The following PRPF8 variants were observed in gnomAD, a reference collection of about 807,000 sequenced individuals.
The protein encoded by PRPF8 is pre-mRNA processing factor 8.
Under a neutral mutation model 285.9 loss-of-function variants are expected in PRPF8, and 64 were observed. That is an observed-to-expected ratio of 0.22 (90% CI 0.18 to 0.28). The LOEUF (loss-of-function observed/expected upper bound fraction) is 0.28, where lower values mean the gene tolerates loss of function less well. Among genes scored for constraint, PRPF8 ranks in the 10% least tolerant of loss-of-function variants. The pLI is 1.00. For synonymous variants in PRPF8, 1,325 were observed against 1,118.2 expected (o/e 1.18, Z -3.69); for missense variants, 1,426 against 3,026.7 (o/e 0.47, Z 12.41).
rs993714601 is a variant in PRPF8, at chr17:1,684,679, G to A, written c.-11-97C>T. ...TCCGGGGACCCCGGCCTGCAGTCCC[G>A]CCACACAGTGCATCCAGCCCCGCCC... is the stretch of plus-strand genomic sequence containing the variant. On this transcript the variant is annotated intron_variant, in intron 1 of 42. Coordinates refer to ENST00000304992, the MANE Select transcript of PRPF8 (RefSeq NM_006445.4). 8.5e-5 allele frequency: 94 copies of A among 1,104,460 alleles called. 2 individuals carry two copies. The highest frequency in any genetic ancestry group is 5.4e-4 in the Middle Eastern group (2 of 3,714). The allele number at this position is 1,104,460 out of a possible 1,614,324, so 68.4% of individuals were successfully genotyped here.
Position 1,651,985 on chromosome 17 carries a change from T to G in PRPF8, c.6370-197A>C. The G allele has an allele frequency of 2.9e-6, 2 of 694,008 alleles. No individual in the cohort carries two copies. The highest frequency in any genetic ancestry group is 5.0e-6 in the Non-Finnish European group (2 of 396,716). 43.0% of individuals were successfully genotyped at this position (694,008 alleles called of 1,614,324 possible). A position where few individuals can be genotyped will look rare whatever the true frequency, so the allele number is the denominator to read the frequency against. On this transcript the variant is annotated intron_variant, in intron 39 of 42. Coordinates refer to ENST00000304992, the MANE Select transcript of PRPF8 (RefSeq NM_006445.4). This position sits in a 1 kb window ranked among gnomAD's most constrained non-coding sequence, Gnocchi z 5.1. ...TGGACCTCATCGCGGACTTACCACA[T>G]CAGAATCTCCTGAGTGGGGTCCAGG...
In PRPF8 at chr17:1,653,463, CCAGACAATCT is replaced by C. The variant is rs1911191853; in HGVS notation, c.6369+69_6369+78del. On this transcript the variant is annotated intron_variant, in intron 39 of 42. Coordinates refer to ENST00000304992, the MANE Select transcript of PRPF8 (RefSeq NM_006445.4). This position sits in a 1 kb window ranked among gnomAD's most constrained non-coding sequence, Gnocchi z 4.9. ...AATCTTGAAACCAGCATCTCAAGTT[CCAGACAATCT>C]CAGGTCTGAGTTTTAGGCACAAAAT... The C allele has an allele frequency of 6.3e-7, 1 of 1,575,096 alleles. No individual in the cohort carries two copies. The highest frequency in any genetic ancestry group is 8.7e-7 in the Non-Finnish European group (1 of 1,145,144).
At position 1,673,586 on chromosome 17, in the gene PRPF8, T is replaced by G. The variant is rs764248551; in HGVS notation, c.3447-19A>C. 1.9e-6 allele frequency: 3 copies of G among 1,613,764 alleles called. No individual in the cohort carries two copies. Among genetic ancestry groups the G allele is most frequent in the South Asian group, 1.1e-5 (1 of 91,050 alleles). On this transcript the variant is annotated intron_variant, in intron 22 of 42. Transcript: ENST00000304992. This position sits in a 1 kb window ranked among gnomAD's most constrained non-coding sequence, Gnocchi z 5.5. ...CCGGCCTCTGCCCACAGAGAACACA[T>G]GGTCACAGCAGTTTCTTGGAAGGAA...
At chr17:1,683,786 G>A (rs1858828805) in intron 2 of PRPF8, 85 bp from the exon 3 acceptor site, 1 of 1,517,764 alleles carries the variant, frequency 6.6e-7, no homozygotes, top group Admixed American at 1.9e-5. Flanking sequence ...TCCTGTCAGT[G>A]AGTGTGAGGG....
At position 1,676,850 on chromosome 17, in the gene PRPF8, C is replaced by G. The variant is rs1912626335; in HGVS notation, c.2181+126G>C. 2.7e-6 allele frequency: 4 copies of G among 1,478,428 alleles called. No individual in the cohort carries two copies. 91.6% of individuals were successfully genotyped at this position (1,478,428 alleles called of 1,614,324 possible). On this transcript the variant is annotated intron_variant, in intron 15 of 42. Coordinates refer to ENST00000304992, the MANE Select transcript of PRPF8 (RefSeq NM_006445.4). The surrounding 1 kb of genome is among the most constrained non-coding windows in gnomAD (Gnocchi z 6.3). ...GGCCAGCCTAAGCAACATGGTGCTT[C>G]TTTTCCCTGTCTAAAAGGGAAAAGA...
In PRPF8 at chr17:1,681,822, C is replaced by G. The variant is rs1303702182; in HGVS notation, c.651G>C (p.Arg217Ser). The G allele has an allele frequency of 8.1e-6, 13 of 1,613,934 alleles. No individual in the cohort carries two copies. Among genetic ancestry groups the G allele is most frequent in the Non-Finnish European group, 1.1e-5 (13 of 1,179,994 alleles). Reference protein sequence around the residue: ...FYDHQPLRDSRKYVNGSTYQR... With the variant: ...FYDHQPLRDSSKYVNGSTYQR... ...TAGTATCTCCATCTATCACTCACTT[C>G]CTGCTGTCCCTCAACGGCTGGTGGT... The change falls in exon 5 of 43, where the codon AGG becomes AGC. Residue 217 changes from arginine to serine, a missense_variant and splice_region_variant. By Grantham distance (110) the Arg-to-Ser change is moderately radical. Transcript: ENST00000304992.
rs145702055 is a variant in PRPF8 at position 1,674,092 on chromosome 17, G to A, written c.3300-200C>T. Among the ~76,000 whole-genome samples the A allele has an allele frequency of 3.4e-3, 521 of 151,970 alleles. 5 individuals are homozygous for A. Among genetic ancestry groups the A allele is most frequent in the African/African-American group, 0.012 (503 of 41,468 alleles). ...GGCTGGAGCGCAGCGGCGCAATCCC[G>A]GCTCACTGCAAGCTCCGCCTCCCAG... On this transcript the variant is annotated intron_variant, in intron 21 of 42. Coordinates refer to ENST00000304992, the MANE Select transcript of PRPF8 (RefSeq NM_006445.4).
Position 1,676,871 on chromosome 17 carries a change from A to G in PRPF8, c.2181+105T>C. 1.3e-6 allele frequency: 2 copies of G among 1,512,276 alleles called. No homozygotes were observed. Among genetic ancestry groups the G allele is most frequent in the East Asian group, 2.3e-5 (1 of 44,402 alleles). The allele number at this position is 1,512,276 out of a possible 1,614,324, so 93.7% of individuals were successfully genotyped here. A position where few individuals can be genotyped will look rare whatever the true frequency, so the allele number is the denominator to read the frequency against. On this transcript the variant is annotated intron_variant, in intron 15 of 42. Transcript: ENST00000304992. The surrounding 1 kb of genome is among the most constrained non-coding windows in gnomAD (Gnocchi z 6.3). ...GCTTCTTTTCCCTGTCTAAAAGGGA[A>G]AAGAAAAGAGATTGGAGCCAGATAG...
chr17:1,672,838 G>C, intron 24 of PRPF8: 1 of 590,448 alleles, frequency 1.7e-6, no homozygotes, highest in Admixed American at 3.0e-5. Context: ...TTTTACTCTT[G>C]CCTTAATTTA....
Position 1,660,998 on chromosome 17 carries a change from A to T in PRPF8, c.4503T>A (p.Leu1501=). The change falls in exon 28 of 43, where the codon CTT becomes CTA. Residue 1501 remains leucine (L), a synonymous_variant. Transcript: ENST00000304992. The part of the protein sequence containing the change: ...KGTYFPTWEG[L]FWEKASGFEE... Reference sequence around the variant, plus strand: ...TAAGAGAGGAGAATCCTCACCAGAAAAGCCCCTCCCAGGTAGGGAAGTAAG... The same window carrying T: ...TAAGAGAGGAGAATCCTCACCAGAATAGCCCCTCCCAGGTAGGGAAGTAAG... The T allele has an allele frequency of 6.2e-7, 1 of 1,613,928 alleles. No individual in the cohort carries two copies. The highest frequency in any genetic ancestry group is 8.5e-7 in the Non-Finnish European group (1 of 1,180,018).
intron 24 of PRPF8, among the ~76,000 whole-genome samples, chr17:1,670,356 T>C (rs1399219941): frequency 1.3e-5 from 2 of 152,230 alleles, no homozygotes; most frequent in East Asian, 1.9e-4. Context: ...CATGCCAAAA[T>C]CTGCACATCA....
At chr17:1,684,632 C>T in intron 1 of PRPF8, 50 bp from the exon 2 acceptor site, 1 of 1,568,338 alleles carries the variant, frequency 6.4e-7, no homozygotes, top group South Asian at 1.1e-5. Context: ...CCCGGGCCCA[C>T]AAGAAGCGCA....
intron 39 of PRPF8, chr17:1,652,849 C>G (rs1327648994): frequency 1.3e-5 from 2 of 157,872 alleles, no homozygotes; most frequent in East Asian, 3.7e-4. Flanking sequence ...TGTGCCCAGC[C>G]TGGAGTGCAG....
chr17:1,681,317 G>A (rs996283754), intron 6 of PRPF8, among the ~76,000 whole-genome samples, 161 bp downstream of exon 6: 2 of 152,138 alleles, frequency 1.3e-5, no homozygotes, highest in African/African-American at 4.8e-5. Context: ...CTGGGCTCAA[G>A]CAATCCTCCT....
In PRPF8 at chr17:1,661,522, C is replaced by A; in HGVS notation, c.4202+89G>T. The A allele has an allele frequency of 6.2e-7, 1 of 1,608,940 alleles. No individual in the cohort carries two copies. ...AACCAGCCTTCTCACCTCCATACAA[C>A]CATGGCATGCTCTGACCCTGAACTC... is the stretch of plus-strand genomic sequence containing the variant. On this transcript the variant is annotated intron_variant, in intron 26 of 42. Coordinates refer to ENST00000304992, the MANE Select transcript of PRPF8 (RefSeq NM_006445.4). The surrounding 1 kb of genome is among the most constrained non-coding windows in gnomAD (Gnocchi z 7.3).
chr17:1,681,748 T>C (rs1912940959), intron 5 of PRPF8, 58 bp from the exon 6 acceptor site: 10 of 1,609,148 alleles, frequency 6.2e-6, no homozygotes, highest in Admixed American at 3.3e-5. Context: ...CCATACCACC[T>C]ACTGATCTCC....
intron 2 of PRPF8, 69 bp from the exon 3 acceptor site, chr17:1,683,770 G>C: frequency 1.3e-6 from 2 of 1,583,230 alleles, no homozygotes; most frequent in Non-Finnish European, 8.6e-7. Context: ...TTGCCCTAGG[G>C]TAAGCTCCTG....
At chr17:1,665,159 C>CAAAAAA (rs562789942) in intron 24 of PRPF8, among the ~76,000 whole-genome samples, 1,097 of 53,412 alleles carry the variant, frequency 0.021, 18 homozygotes, top group South Asian at 0.077. Flanking sequence ...GACTCTGCCT[C>CAAAAAA]AAAAAAAAAA....
At chr17:1,671,161 A>T (rs1912294556) in intron 24 of PRPF8, among the ~76,000 whole-genome samples, 1 of 152,140 alleles carries the variant, frequency 6.6e-6, no homozygotes, top group South Asian at 2.1e-4. Flanking sequence ...TGGCTAAAGG[A>T]ATGCTCTCCC....
Sources: allele counts gnomAD v4.1 joint callset (sites outside exome capture counted in the v4.1 genomes callset), GRCh38; gene constraint gnomAD v4.1.1; non-coding constraint Gnocchi (gnomAD v3.1); transcripts MANE v1.5; gene names NCBI Gene and HGNC (gene_info 2026-07-23, HGNC 2026-07-21).